TOPAZ1: variants seen among roughly 807,000 people sequenced by gnomAD.
TOPAZ1 encodes protein TOPAZ1.
Under a neutral mutation model 172.2 loss-of-function variants are expected in TOPAZ1, and 66 were observed. The ratio of observed to expected loss-of-function variants is 0.38; its 90% CI spans 0.31 to 0.47. The LOEUF (loss-of-function observed/expected upper bound fraction) is 0.47. TOPAZ1 is among the 20% of genes least tolerant of loss of function. TOPAZ1 has a pLI of 0.99. For synonymous variants in TOPAZ1, 681 were observed against 683.9 expected (o/e 1.00, Z 0.07); for missense variants, 1,822 against 1,972.4 (o/e 0.92, Z 1.44).
chr3:44,310,585 G>T (rs1559545826), intron 16 of TOPAZ1, among the ~76,000 whole-genome samples: 1 of 151,950 alleles, frequency 6.6e-6, no homozygotes, highest in Non-Finnish European at 1.5e-5. Flanking sequence ...AATCTTCATA[G>T]AACCCTGAAT....
At position 44,288,543 on chromosome 3, in the gene TOPAZ1, G is replaced by A. The variant is rs2171571; in HGVS notation, c.3681+704G>A. Among the ~76,000 whole-genome samples the A allele has an allele frequency of 3.9e-3, 595 of 152,116 alleles. 2 individuals are homozygous for A. Among genetic ancestry groups the A allele is most frequent in the Middle Eastern group, 0.017 (5 of 294 alleles). Reference sequence around the variant, plus strand: ...CTAAAAACACACAAAAAATTAGCCGGGCATGGTGGCGCACTCCTATAATCC... The same window carrying A: ...CTAAAAACACACAAAAAATTAGCCGAGCATGGTGGCGCACTCCTATAATCC... On this transcript the variant is annotated intron_variant, in intron 11 of 19. Coordinates refer to ENST00000309765, the MANE Select transcript of TOPAZ1 (RefSeq NM_001145030.2).
intron 9 of TOPAZ1, among the ~76,000 whole-genome samples, chr3:44,286,738 G>T (rs957174563): frequency 2.6e-5 from 4 of 152,074 alleles, no homozygotes; most frequent in Non-Finnish European, 5.9e-5. Context: ...AGAAAAAAAT[G>T]ATCAATGAAA....
intron 18 of TOPAZ1, among the ~76,000 whole-genome samples, chr3:44,324,349 A>G (rs1334510083): frequency 2.6e-5 from 4 of 152,070 alleles, no homozygotes; most frequent in Non-Finnish European, 5.9e-5. Flanking sequence ...CCTAATTTCA[A>G]TTGTGTGGTT....
At chr3:44,277,974 C>T (rs965266218) in intron 8 of TOPAZ1, among the ~76,000 whole-genome samples, 1 of 152,140 alleles carries the variant, frequency 6.6e-6, no homozygotes, top group Admixed American at 6.5e-5. Flanking sequence ...TTGTAAATTA[C>T]CCAGTCTCAG....
In TOPAZ1 at chr3:44,289,569, G is replaced by A. The variant is rs192914519; in HGVS notation, c.3682-1202G>A. On this transcript the variant is annotated intron_variant, in intron 11 of 19. Coordinates refer to ENST00000309765, the MANE Select transcript of TOPAZ1 (RefSeq NM_001145030.2). ...TTCTAGGACCCATTCAAAAGGGGCC[G>A]AGTACCACTAAATTTGAGACAATTT... Among the ~76,000 whole-genome samples, 42 of 152,234 alleles carry A rather than the reference G, an allele frequency of 2.8e-4. 1 individual carries two copies. Among genetic ancestry groups the A allele is most frequent in the Middle Eastern group, 3.4e-3 (1 of 294 alleles).
At chr3:44,245,367 C>A (rs1699551734) in intron 2 of TOPAZ1, 96 bp downstream of exon 2, 1 of 1,268,484 alleles carries the variant, frequency 7.9e-7, no homozygotes, top group Non-Finnish European at 1.0e-6. Flanking sequence ...TATTGAAGCT[C>A]CATTATTTTT....
intron 2 of TOPAZ1, among the ~76,000 whole-genome samples, chr3:44,249,831 G>A (rs577570064): frequency 6.6e-6 from 1 of 152,214 alleles, no homozygotes; most frequent in African/African-American, 2.4e-5. Flanking sequence ...AACAATAGTG[G>A]GAAATAAGAT....
intron 9 of TOPAZ1, among the ~76,000 whole-genome samples, chr3:44,283,705 CTCCTT>C (rs1331595705): frequency 3.3e-5 from 5 of 151,782 alleles, no homozygotes; most frequent in African/African-American, 1.2e-4. Flanking sequence ...TGTTCTCTCT[CTCCTT>C]CCTTCCATAT....
At chr3:44,251,224 G>A (rs1481472604) in intron 2 of TOPAZ1, among the ~76,000 whole-genome samples, 3 of 152,106 alleles carry the variant, frequency 2.0e-5, no homozygotes, top group South Asian at 2.1e-4. Flanking sequence ...AGGCTCAAAC[G>A]ATGCTCACAC....
rs141292736 is a variant in TOPAZ1, at chr3:44,265,328, A to C, written c.3021-1669A>C. Among the ~76,000 whole-genome samples the C allele has an allele frequency of 2.1e-3, 315 of 152,298 alleles. 1 individual carries two copies. Among genetic ancestry groups the C allele is most frequent in the African/African-American group, 6.4e-3 (267 of 41,568 alleles). On this transcript the variant is annotated intron_variant, in intron 5 of 19. Transcript: ENST00000309765. ...TGTAATCCCAGCACTTCGGGAGGCC[A>C]AGGTGGGTGGATCACAAGGTCAGGA...
downstream of TOPAZ1, among the ~76,000 whole-genome samples, chr3:44,335,463 A>G (rs9812643): frequency 0.49 from 74,650 of 151,848 alleles, 19,517 homozygotes; most frequent in East Asian, 0.81. Context: ...GACTCTACTA[A>G]AAATGCAAAA....
chr3:44,296,861 AAAAG>A (rs1431294812), intron 12 of TOPAZ1, among the ~76,000 whole-genome samples: 5 of 41,440 alleles, frequency 1.2e-4, no homozygotes, highest in East Asian at 4.5e-3. Context: ...AAAAAAAAAA[AAAAG>A]AAAAAAAAAA....
chr3:44,330,689 G>A (rs1201337838), intron 19 of TOPAZ1, among the ~76,000 whole-genome samples: 2 of 152,186 alleles, frequency 1.3e-5, no homozygotes, highest in African/African-American at 4.8e-5. Flanking sequence ...CTCAGAACTT[G>A]CTGCTGGGCC....
intron 2 of TOPAZ1, among the ~76,000 whole-genome samples, chr3:44,250,063 C>T (rs949874555): frequency 4.6e-5 from 7 of 152,094 alleles, no homozygotes; most frequent in African/African-American, 1.7e-4. Context: ...TAAAAGCCTA[C>T]CACTTTTGCC....
chr3:44,277,379 C>T (rs1699972103), intron 8 of TOPAZ1, among the ~76,000 whole-genome samples: 1 of 152,128 alleles, frequency 6.6e-6, no homozygotes, highest in East Asian at 1.9e-4. Flanking sequence ...TTCATCACAT[C>T]TAAGAGTTTT....
intron 15 of TOPAZ1, among the ~76,000 whole-genome samples, chr3:44,308,399 T>C (rs897517462): frequency 2.0e-5 from 3 of 152,096 alleles, no homozygotes; most frequent in Admixed American, 1.3e-4. Flanking sequence ...ATCCTTGCGA[T>C]AGTTTGCTCA....
At chr3:44,261,641 C>G (rs928195464) in intron 4 of TOPAZ1, among the ~76,000 whole-genome samples, 1 of 152,258 alleles carries the variant, frequency 6.6e-6, no homozygotes, top group East Asian at 1.9e-4. Flanking sequence ...TATTCGCACT[C>G]TTTTTGAGTT....
chr3:44,293,505 CT>C (rs1436680777), intron 12 of TOPAZ1, among the ~76,000 whole-genome samples: 1 of 151,858 alleles, frequency 6.6e-6, no homozygotes, highest in Non-Finnish European at 1.5e-5. Context: ...GTATTTGTGT[CT>C]TAGTTTTTAA....
At chr3:44,306,270 T>G in intron 14 of TOPAZ1, 56 bp from the exon 15 acceptor site, 3 of 1,162,298 alleles carry the variant, frequency 2.6e-6, no homozygotes, top group Non-Finnish European at 3.7e-6. Context: ...AGTTTGCCTC[T>G]TCCATCATTT....
Sources: allele counts gnomAD v4.1 joint callset (sites outside exome capture counted in the v4.1 genomes callset), GRCh38; gene constraint gnomAD v4.1.1; transcripts MANE v1.5; gene names NCBI Gene and HGNC (gene_info 2026-07-23, HGNC 2026-07-21).